The following COL4A4 variants were observed in gnomAD, a reference collection of about 807,000 sequenced individuals.
COL4A4 encodes collagen type IV alpha 4 chain.
COL4A4 carries 105 observed loss-of-function variants against 192.9 expected under a neutral mutation model. The observed-to-expected ratio is 0.54, with a 90% CI of 0.46 to 0.64. COL4A4 has a LOEUF of 0.64. Ranked by LOEUF, COL4A4 falls within the 30% of genes least tolerant of loss-of-function variation. The probability of loss-of-function intolerance (pLI) is 0.00; values close to 1 mark genes in which losing one functional copy is unlikely to be tolerated. For synonymous variants in COL4A4, 762 were observed against 769.9 expected (o/e 0.99, Z 0.17); for missense variants, 1,967 against 2,169.3 (o/e 0.91, Z 1.85).
chr2:227,081,362 G>C (rs551910495), intron 23 of COL4A4, among the ~76,000 whole-genome samples: 5 of 152,312 alleles, frequency 3.3e-5, no homozygotes, highest in Admixed American at 3.3e-4. Flanking sequence ...TCTTTCTCCT[G>C]TGCTGAATGC....
chr2:227,082,066 A>G, intron 23 of COL4A4, 49 bp downstream of exon 23: 1 of 1,453,854 alleles, frequency 6.9e-7, no homozygotes, highest in Non-Finnish European at 9.7e-7. Context: ...AGGAGGGTCC[A>G]TACATCATTC....
chr2:227,065,837 C>T (rs527930841), intron 25 of COL4A4, among the ~76,000 whole-genome samples: 17 of 152,342 alleles, frequency 1.1e-4, no homozygotes, highest in East Asian at 3.9e-4. Flanking sequence ...TCCAAAGGAA[C>T]GAAGTTCCTC....
chr2:226,988,545 CCT>C, the COL4A4 span: 7 of 1,440,626 alleles, frequency 4.9e-6, no homozygotes, highest in Non-Finnish European at 5.5e-6. Context: ...CCAGGCTGGC[CCT>C]CTCTGCGGAC....
At chr2:226,985,631 ACCCGGGAGCTCATTAAAACTACAGCGG>A in the COL4A4 span, among the ~76,000 whole-genome samples, 1 of 152,254 alleles carries the variant, frequency 6.6e-6, no homozygotes, top group African/African-American at 2.4e-5. Context: ...CATCGGAGTC[ACCCGGGAGCTCATTAAAACTACAGCGG>A]CCTGGGCTCT....
At chr2:227,034,272 A>C (rs566813751) in intron 37 of COL4A4, among the ~76,000 whole-genome samples, 1 of 152,318 alleles carries the variant, frequency 6.6e-6, no homozygotes, top group African/African-American at 2.4e-5. Context: ...TTATCAACGT[A>C]TGTTGAGTTG....
intron 44 of COL4A4, among the ~76,000 whole-genome samples, chr2:227,014,317 A>G (rs1402735753): frequency 1.3e-5 from 2 of 152,144 alleles, no homozygotes; most frequent in East Asian, 3.9e-4. Flanking sequence ...GGGCATGAGA[A>G]TCTGCATTTC....
At chr2:227,031,333 A>G (rs1399271427) in intron 40 of COL4A4, among the ~76,000 whole-genome samples, 3 of 152,146 alleles carry the variant, frequency 2.0e-5, no homozygotes, top group East Asian at 3.9e-4. Context: ...AAGAGCTTGT[A>G]TGAATGCAAT....
the COL4A4 span, among the ~76,000 whole-genome samples, chr2:226,979,976 G>A: frequency 2.0e-5 from 3 of 152,180 alleles, no homozygotes; most frequent in East Asian, 1.9e-4. Flanking sequence ...TGAATTTGGG[G>A]ACAGGACGAG....
At chr2:226,995,467 A>C in the COL4A4 span, 1 of 1,613,332 alleles carries the variant, frequency 6.2e-7, no homozygotes, top group East Asian at 2.2e-5. Context: ...TACGGGTTTC[A>C]TCTCTCACCA....
the COL4A4 span, among the ~76,000 whole-genome samples, chr2:226,987,459 T>A: frequency 1.3e-5 from 2 of 152,210 alleles, no homozygotes; most frequent in African/African-American, 4.8e-5. Context: ...CATGAGCAGC[T>A]AGCTGGTAGG....
At chr2:227,022,466 T>A (rs758787483) in intron 43 of COL4A4, 18 of 621,062 alleles carry the variant, frequency 2.9e-5, no homozygotes, top group South Asian at 1.9e-4. Context: ...GAAGGTCGGA[T>A]GATGCAGCAA....
At chr2:227,013,641 C>T (rs1446879349) in intron 44 of COL4A4, among the ~76,000 whole-genome samples, 1 of 152,230 alleles carries the variant, frequency 6.6e-6, no homozygotes, top group East Asian at 1.9e-4. Flanking sequence ...TCTTGGACTT[C>T]TGCATCCCGA....
Position 227,006,111 on chromosome 2 carries a change from T to G in COL4A4, c.*1214A>C, listed in dbSNP as rs1480419035. ...ACAGCCAACCACGGGAGCATAAAAT[T>G]CAAATTATAAATTGTCTTTGTTTCG... On this transcript the variant is annotated 3_prime_UTR_variant, in exon 48 of 48. Coordinates refer to ENST00000396625, the MANE Select transcript of COL4A4 (RefSeq NM_000092.5). 1.3e-5 allele frequency: 2 copies of G among 152,638 alleles called. No individual in the cohort carries two copies. The highest frequency in any genetic ancestry group is 2.4e-5 in the African/African-American group (1 of 41,446). The allele number at this position is 152,638 out of a possible 1,614,324, so 9.5% of individuals were successfully genotyped here. A position where few individuals can be genotyped will look rare whatever the true frequency, so the allele number is the denominator to read the frequency against.
At chr2:227,041,381 T>C (rs1970786668) in intron 37 of COL4A4, among the ~76,000 whole-genome samples, 1 of 151,970 alleles carries the variant, frequency 6.6e-6, no homozygotes, top group Admixed American at 6.6e-5. Context: ...AACCGGGCGC[T>C]CACATCCTAG....
At chr2:227,072,506 A>G (rs2058779934) in intron 25 of COL4A4, among the ~76,000 whole-genome samples, 1 of 152,028 alleles carries the variant, frequency 6.6e-6, no homozygotes, top group African/African-American at 2.4e-5. Context: ...TCCTACTGAA[A>G]CTGTTCCAAA....
In COL4A4 at chr2:227,135,704, G is replaced by A. The variant is rs926028166; in HGVS notation, c.192+4457C>T. Reference sequence around the variant, plus strand: ...GTCACCCAGGCTGAAGTGCCATGGCGAAATCTCAGCTCACTGTAACCTCCG... The same window carrying A: ...GTCACCCAGGCTGAAGTGCCATGGCAAAATCTCAGCTCACTGTAACCTCCG... On this transcript the variant is annotated intron_variant, in intron 4 of 47. Coordinates refer to ENST00000396625, the MANE Select transcript of COL4A4 (RefSeq NM_000092.5). Among the ~76,000 whole-genome samples the A allele has an allele frequency of 6.6e-5, 10 of 152,064 alleles. No homozygotes were observed. The South Asian group carries it at 1.0e-3, about 16-fold the overall frequency.
intron 29 of COL4A4, 46 bp from the exon 30 acceptor site, chr2:227,056,161 G>C: frequency 6.6e-7 from 1 of 1,521,288 alleles, no homozygotes; most frequent in Non-Finnish European, 9.1e-7. Flanking sequence ...CTGAACACTG[G>C]CTTCACACAC....
Position 227,004,057 on chromosome 2 carries a change from T to G in COL4A4, c.*3268A>C, listed in dbSNP as rs1430978525. On this transcript the variant is annotated 3_prime_UTR_variant, in exon 48 of 48. Coordinates refer to ENST00000396625, the MANE Select transcript of COL4A4 (RefSeq NM_000092.5). ...CTAATGATGTTTATGGAATTGTCAT[T>G]GAAAAAAATGAATTGGCAGTAATGT... The G allele has an allele frequency of 6.6e-6, 1 of 152,158 alleles. No individual in the cohort carries two copies. Among genetic ancestry groups the G allele is most frequent in the Non-Finnish European group, 1.5e-5 (1 of 68,026 alleles). The allele number at this position is 152,158 out of a possible 1,614,324, so 9.4% of individuals were successfully genotyped here.
intron 37 of COL4A4, among the ~76,000 whole-genome samples, chr2:227,039,047 T>G (rs73995524): frequency 0.032 from 4,844 of 152,316 alleles, 248 homozygotes; most frequent in African/African-American, 0.11. Flanking sequence ...CCAAGTAATA[T>G]GTTCATTTCC....
Sources: gnomAD v4.1 joint callset for allele counts (sites outside exome capture counted in the v4.1 genomes callset) on GRCh38, gnomAD v4.1.1 for gene constraint, MANE v1.5 for transcripts, NCBI Gene and HGNC (gene_info 2026-07-23, HGNC 2026-07-21) for gene names.